The following CADM2 variants were observed in gnomAD, a reference collection of about 807,000 sequenced individuals.
The protein encoded by CADM2 is immunoglobulin superfamily member 4D.
Under a neutral mutation model 49.8 loss-of-function variants are expected in CADM2, and 12 were observed. That is an observed-to-expected ratio of 0.24 (90% confidence interval 0.15 to 0.39). The LOEUF (loss-of-function observed/expected upper bound fraction) is 0.39. Among genes scored for constraint, CADM2 ranks in the 10% least tolerant of loss-of-function variants. CADM2 has a pLI of 1.00. For synonymous variants in CADM2, 214 were observed against 175.4 expected, an observed-to-expected ratio of 1.22 and a Z score of -1.74; for missense variants, 378 against 492.3, an observed-to-expected ratio of 0.77 and a Z score of 2.20.
chr3:84,975,329 T>A (rs555496043), intron 1 of CADM2, among the ~76,000 whole-genome samples: 3 of 151,982 alleles, frequency 2.0e-5, no homozygotes, highest in Admixed American at 2.0e-4. Flanking sequence ...ATAGCTTCTT[T>A]CAGATACCTT....
At position 85,912,340 on chromosome 3, in the gene CADM2, T is replaced by A. The variant is rs748838533; in HGVS notation, c.530-33T>A. Reference sequence around the variant, plus strand: ...ATGCAATCTGTTTTATTTTGAAAGGTGTCACATTTTAAAATTCATATTTTA... The same window carrying A: ...ATGCAATCTGTTTTATTTTGAAAGGAGTCACATTTTAAAATTCATATTTTA... On this transcript the variant is annotated intron_variant, in intron 5 of 9. Transcript: ENST00000383699. The A allele has an allele frequency of 4.0e-6, 6 of 1,518,822 alleles. No homozygotes were observed. In the South Asian group the frequency reaches 7.1e-5, roughly 18 times the overall value. The allele number at this position is 1,518,822 out of a possible 1,614,324, so 94.1% of individuals were successfully genotyped here.
intron 1 of CADM2, among the ~76,000 whole-genome samples, chr3:85,660,503 G>T (rs1294839916): frequency 6.6e-6 from 1 of 150,990 alleles, no homozygotes; most frequent in East Asian, 1.9e-4. Context: ...CTTTAAAAGA[G>T]TTCTTTTAGT....
intron 1 of CADM2, among the ~76,000 whole-genome samples, chr3:85,314,534 C>G (rs777186095): frequency 6.6e-5 from 10 of 151,776 alleles, no homozygotes; most frequent in Non-Finnish European, 1.3e-4. Flanking sequence ...CTTAAATCTC[C>G]GGTTATTATG....
At chr3:85,733,205 T>G (rs2068006141) in intron 2 of CADM2, among the ~76,000 whole-genome samples, 1 of 152,202 alleles carries the variant, frequency 6.6e-6, no homozygotes, top group Admixed American at 6.5e-5. Flanking sequence ...AATTAGTTTC[T>G]CAATAAGATG....
chr3:85,409,641 A>G (rs983740847), intron 1 of CADM2, among the ~76,000 whole-genome samples: 4 of 152,152 alleles, frequency 2.6e-5, no homozygotes, highest in African/African-American at 7.2e-5. Flanking sequence ...CTGGAGGAGG[A>G]TAATAGCAAG....
chr3:85,219,555 A>G (rs1283162037), intron 1 of CADM2, among the ~76,000 whole-genome samples: 1 of 152,220 alleles, frequency 6.6e-6, no homozygotes, highest in African/African-American at 2.4e-5. Flanking sequence ...TATTTCAAAG[A>G]AAGCTAATAC....
chr3:86,003,969 C>T (rs1002669862), intron 8 of CADM2, among the ~76,000 whole-genome samples: 16 of 151,928 alleles, frequency 1.1e-4, no homozygotes, highest in African/African-American at 3.9e-4. Context: ...GTTAAATATA[C>T]TTTCATAGGT....
intron 6 of CADM2, among the ~76,000 whole-genome samples, chr3:85,922,654 CT>C (rs1719280312): frequency 6.6e-6 from 1 of 151,996 alleles, no homozygotes; most frequent in African/African-American, 2.4e-5. Context: ...CTTGTCATTG[CT>C]TTTTGGTTCT....
intron 2 of CADM2, among the ~76,000 whole-genome samples, chr3:85,796,921 C>A (rs1469674308): frequency 6.6e-6 from 1 of 151,954 alleles, no homozygotes; most frequent in Non-Finnish European, 1.5e-5. Flanking sequence ...ATGGTGAAAT[C>A]CTGTCTCTAC....
At chr3:85,151,000 C>G (rs895602722) in intron 1 of CADM2, among the ~76,000 whole-genome samples, 3 of 151,278 alleles carry the variant, frequency 2.0e-5, no homozygotes, top group Non-Finnish European at 4.4e-5. Context: ...GATGAAAAGA[C>G]AAGATTTTCC....
intron 1 of CADM2, among the ~76,000 whole-genome samples, chr3:85,170,240 C>T (rs1475675145): frequency 6.6e-6 from 1 of 152,018 alleles, no homozygotes; most frequent in African/African-American, 2.4e-5. Context: ...TATTCTGGCG[C>T]CTTTAGAGTA....
chr3:85,801,442 G>A (rs1299018038), intron 2 of CADM2, among the ~76,000 whole-genome samples: 2 of 152,086 alleles, frequency 1.3e-5, no homozygotes, highest in Non-Finnish European at 1.5e-5. Context: ...TTTAGAGTTT[G>A]AATGGATATT....
At chr3:85,373,633 G>T (rs1311200468) in intron 1 of CADM2, among the ~76,000 whole-genome samples, 1 of 152,164 alleles carries the variant, frequency 6.6e-6, no homozygotes, top group African/African-American at 2.4e-5. Context: ...TCTCCATGAG[G>T]GTTCCACCCC....
intron 1 of CADM2, among the ~76,000 whole-genome samples, chr3:85,572,439 A>C (rs2062507626): frequency 6.6e-6 from 1 of 152,204 alleles, no homozygotes; most frequent in Admixed American, 6.5e-5. Flanking sequence ...GAAAGAAGCA[A>C]TAAGATGAGT....
intron 1 of CADM2, among the ~76,000 whole-genome samples, chr3:85,029,384 T>A (rs1382216448): frequency 6.6e-6 from 1 of 152,202 alleles, no homozygotes; most frequent in Non-Finnish European, 1.5e-5. Flanking sequence ...AATAGTTATT[T>A]CTTGAGATGG....
rs141843788 is a variant in CADM2, at chr3:86,025,079, G to A, written c.971-40526G>A. Among the ~76,000 whole-genome samples the A allele has an allele frequency of 3.3e-3, 500 of 150,878 alleles. 3 individuals are homozygous for A. The highest frequency in any genetic ancestry group is 9.9e-3 in the African/African-American group (407 of 41,096). ...TTTTGTTTTGTTTTGTTTTGGAGACGGAGTCTCTCTCTGTCGCCCAGGCCA... is the reference window on the plus strand; with the variant it reads ...TTTTGTTTTGTTTTGTTTTGGAGACAGAGTCTCTCTCTGTCGCCCAGGCCA... On this transcript the variant is annotated intron_variant, in intron 8 of 9. Transcript: ENST00000383699.
At chr3:85,713,125 T>TTAAA (rs2067165892) in intron 1 of CADM2, among the ~76,000 whole-genome samples, 1 of 152,136 alleles carries the variant, frequency 6.6e-6, no homozygotes, top group African/African-American at 2.4e-5. Context: ...AGACGAGAGT[T>TTAAA]TAACTCTTAT....
At chr3:85,860,906 G>C (rs1266683348) in intron 3 of CADM2, among the ~76,000 whole-genome samples, 2 of 152,152 alleles carry the variant, frequency 1.3e-5, no homozygotes, top group Non-Finnish European at 2.9e-5. Context: ...CACACTCTGA[G>C]GTGCGAATAT....
chr3:85,185,185 G>T (rs1238513118), intron 1 of CADM2, among the ~76,000 whole-genome samples: 1 of 151,402 alleles, frequency 6.6e-6, no homozygotes, highest in East Asian at 1.9e-4. Context: ...ATCTTTTTTT[G>T]GCTGGGATAA....
Sources: allele counts gnomAD v4.1 joint callset (sites outside exome capture counted in the v4.1 genomes callset), GRCh38; gene constraint gnomAD v4.1.1; transcripts MANE v1.5; gene names NCBI Gene and HGNC (gene_info 2026-07-23, HGNC 2026-07-21).